Variants in GPC6 observed in about 807,000 individuals in gnomAD.
The protein encoded by GPC6 is glypican 6.
A neutral mutation model predicts 55.2 loss-of-function variants in GPC6; 14 were observed. The observed-to-expected ratio is 0.25, with a 90% CI of 0.17 to 0.40. GPC6 has a LOEUF of 0.40. GPC6 is among the 10% of genes least tolerant of loss of function. The pLI is 1.00. For missense variants in GPC6, 641 were observed against 708.5 expected (o/e 0.90, Z 1.08); for synonymous variants, 278 against 259.6 (o/e 1.07, Z -0.68).
chr13:93,816,093 A>G (rs1336670239), intron 2 of GPC6, among the ~76,000 whole-genome samples: 1 of 152,152 alleles, frequency 6.6e-6, no homozygotes, highest in Non-Finnish European at 1.5e-5. Flanking sequence ...AAAATGAGCA[A>G]TGACTTTCAA....
intron 4 of GPC6, among the ~76,000 whole-genome samples, chr13:94,098,626 T>A (rs1885748483): frequency 6.6e-6 from 1 of 152,064 alleles, no homozygotes; most frequent in South Asian, 2.1e-4. Context: ...CTTTAATATG[T>A]TGGATTGTTT....
chr13:93,689,126 A>G (rs1388850881), intron 2 of GPC6, among the ~76,000 whole-genome samples: 1 of 151,966 alleles, frequency 6.6e-6, no homozygotes, highest in East Asian at 1.9e-4. Context: ...TATTTGGTCT[A>G]AGTCTAACCC....
chr13:93,990,514 A>G (rs1881249877), intron 3 of GPC6, among the ~76,000 whole-genome samples: 1 of 152,034 alleles, frequency 6.6e-6, no homozygotes, highest in Non-Finnish European at 1.5e-5. Context: ...CTATTTGCAT[A>G]TCGTTCAAAA....
intron 3 of GPC6, among the ~76,000 whole-genome samples, chr13:93,943,391 C>T (rs1878832067): frequency 6.6e-6 from 1 of 152,118 alleles, no homozygotes; most frequent in Non-Finnish European, 1.5e-5. Context: ...AACCAACACA[C>T]TGATGACAGA....
intron 1 of GPC6, among the ~76,000 whole-genome samples, chr13:93,239,905 G>A (rs1876369733): frequency 6.6e-6 from 1 of 152,036 alleles, no homozygotes; most frequent in Admixed American, 6.5e-5. Flanking sequence ...TCCTTCAGGA[G>A]CAGATAATTT....
chr13:93,998,641 C>T (rs1881660351), intron 3 of GPC6, among the ~76,000 whole-genome samples: 1 of 151,884 alleles, frequency 6.6e-6, no homozygotes, highest in Non-Finnish European at 1.5e-5. Context: ...TCAATAGTTA[C>T]TATTGTATAA....
intron 3 of GPC6, among the ~76,000 whole-genome samples, chr13:93,942,567 C>A (rs751636832): frequency 2.0e-5 from 3 of 152,172 alleles, no homozygotes; most frequent in African/African-American, 2.4e-5. Context: ...AGCAATCCAC[C>A]CACCTCGGCC....
At chr13:93,953,372 T>A (rs544182279) in intron 3 of GPC6, among the ~76,000 whole-genome samples, 1 of 152,218 alleles carries the variant, frequency 6.6e-6, no homozygotes, top group Admixed American at 6.5e-5. Flanking sequence ...CAGACTGGGG[T>A]TTTCAGTCCA....
At chr13:93,805,102 G>T (rs2138943210) in intron 2 of GPC6, among the ~76,000 whole-genome samples, 1 of 152,098 alleles carries the variant, frequency 6.6e-6, no homozygotes, top group South Asian at 2.1e-4. Context: ...ATTGAACCAG[G>T]ATAACAAATA....
At chr13:94,291,733 T>C (rs1229347573) in intron 5 of GPC6, among the ~76,000 whole-genome samples, 1 of 150,330 alleles carries the variant, frequency 6.7e-6, no homozygotes, top group Non-Finnish European at 1.5e-5. Context: ...CCTGGGACAC[T>C]CTTGATAAAC....
At chr13:93,817,509 T>C (rs187047072) in intron 2 of GPC6, among the ~76,000 whole-genome samples, 7 of 152,238 alleles carry the variant, frequency 4.6e-5, no homozygotes, top group African/African-American at 7.2e-5. Context: ...ACTATTTATT[T>C]AAAAAAGACT....
chr13:93,410,312 A>G (rs1876446651), intron 1 of GPC6, among the ~76,000 whole-genome samples: 2 of 152,202 alleles, frequency 1.3e-5, no homozygotes, highest in Non-Finnish European at 2.9e-5. Context: ...AAGATGTTTC[A>G]GAAAGCACTT....
At chr13:94,036,733 C>G (rs1883347729) in intron 4 of GPC6, among the ~76,000 whole-genome samples, 1 of 151,988 alleles carries the variant, frequency 6.6e-6, no homozygotes, top group Non-Finnish European at 1.5e-5. Context: ...TGACCCTCTC[C>G]TACCTCAGCG....
At chr13:93,626,630 C>T (rs148208218) in intron 2 of GPC6, among the ~76,000 whole-genome samples, 1,549 of 151,954 alleles carry the variant, frequency 0.01, 27 homozygotes, top group African/African-American at 0.034. Flanking sequence ...GGTGAAACCC[C>T]GTCTCTACTA....
intron 4 of GPC6, among the ~76,000 whole-genome samples, chr13:94,077,073 T>C (rs1884943331): frequency 6.6e-6 from 1 of 151,610 alleles, no homozygotes; most frequent in African/African-American, 2.4e-5. Context: ...TTGGGTACTA[T>C]GGACATTAGA....
At chr13:93,854,365 T>C (rs531787678) in intron 3 of GPC6, among the ~76,000 whole-genome samples, 7 of 151,880 alleles carry the variant, frequency 4.6e-5, no homozygotes, top group African/African-American at 1.4e-4. Flanking sequence ...TTGATTTATT[T>C]AAAGATAACC....
chr13:94,287,187 T>A (rs1035877263), intron 5 of GPC6, among the ~76,000 whole-genome samples: 1 of 152,148 alleles, frequency 6.6e-6, no homozygotes, highest in Non-Finnish European at 1.5e-5. Context: ...TTCATCAATC[T>A]TTCTCTCCCA....
intron 6 of GPC6, among the ~76,000 whole-genome samples, chr13:94,356,970 A>C (rs2139175482): frequency 6.6e-6 from 1 of 152,296 alleles, no homozygotes; most frequent in African/African-American, 2.4e-5. Flanking sequence ...TTGCCAGTTA[A>C]GAATCCATGA....
chr13:93,634,268 C>A (rs1185306206), intron 2 of GPC6, among the ~76,000 whole-genome samples: 2 of 152,098 alleles, frequency 1.3e-5, no homozygotes, highest in African/African-American at 4.8e-5. Flanking sequence ...GTCAAAGTAA[C>A]CTTGTTCCAG....
Sources: gnomAD v4.1 joint callset for allele counts (sites outside exome capture counted in the v4.1 genomes callset) on GRCh38, gnomAD v4.1.1 for gene constraint, MANE v1.5 for transcripts, NCBI Gene and HGNC (gene_info 2026-07-23, HGNC 2026-07-21) for gene names.